Variants in COP1 observed in about 807,000 individuals in gnomAD.
COP1 encodes E3 ubiquitin-protein ligase COP1.
Under a neutral mutation model 101.3 loss-of-function variants are expected in COP1, and 24 were observed. That is an observed-to-expected ratio of 0.24 (90% CI 0.17 to 0.33). The LOEUF is 0.33. Among genes scored for constraint, COP1 ranks in the 10% least tolerant of loss-of-function variants. COP1 has a pLI of 1.00. For synonymous variants in COP1, 347 were observed against 341.9 expected (o/e 1.01, Z -0.17); for missense variants, 663 against 906.2 (o/e 0.73, Z 3.45).
intron 11 of COP1, among the ~76,000 whole-genome samples, chr1:176,065,480 T>C (rs961925325): frequency 2.0e-5 from 3 of 152,186 alleles, no homozygotes; most frequent in Non-Finnish European, 4.4e-5. Context: ...GTTTTACATA[T>C]AATGACATCA....
Position 176,027,732 on chromosome 1 carries a change from A to G in COP1, c.1613-44T>C, listed in dbSNP as rs775097202. 4.4e-6 allele frequency: 5 copies of G among 1,124,630 alleles called. No individual in the cohort carries two copies. The South Asian group carries it at 5.1e-5, about 11-fold the overall frequency. 69.7% of individuals were successfully genotyped at this position (1,124,630 alleles called of 1,614,324 possible). ...AAAAACAAAAAGAGAAACAAGTAAT[A>G]CATTAGTAAATGCTTCTGTAACTTG... On this transcript the variant is annotated intron_variant, in intron 14 of 19. Coordinates refer to ENST00000367669, the MANE Select transcript of COP1 (RefSeq NM_022457.7).
chr1:175,948,740 A>C (rs1649483102), intron 18 of COP1, among the ~76,000 whole-genome samples: 1 of 152,140 alleles, frequency 6.6e-6, no homozygotes, highest in Non-Finnish European at 1.5e-5. Context: ...GAATCAGAAT[A>C]CTCTTTGGAA....
intron 1 of COP1, among the ~76,000 whole-genome samples, chr1:176,203,833 T>C (rs1700549145): frequency 6.6e-6 from 1 of 152,212 alleles, no homozygotes; most frequent in African/African-American, 2.4e-5. Context: ...CCAATGTTTA[T>C]TACTGAAATT....
At chr1:176,058,119 C>T (rs1285602595) in intron 11 of COP1, among the ~76,000 whole-genome samples, 1 of 45,046 alleles carries the variant, frequency 2.2e-5, no homozygotes, top group Non-Finnish European at 6.0e-5. Flanking sequence ...GCCACCCCGT[C>T]GGGAGGGAGG....
At chr1:176,007,921 T>C (rs1350058968) in intron 15 of COP1, among the ~76,000 whole-genome samples, 5 of 152,208 alleles carry the variant, frequency 3.3e-5, no homozygotes, top group Non-Finnish European at 7.3e-5. Context: ...GCCTGGGTAA[T>C]GGCGGGCGCC....
intron 5 of COP1, among the ~76,000 whole-genome samples, chr1:176,159,662 C>G (rs756384168): frequency 1.3e-4 from 20 of 152,250 alleles, no homozygotes; most frequent in African/African-American, 4.8e-4. Context: ...ATATGAACCT[C>G]AAAAAGTAAA....
chr1:176,163,983 C>T, intron 3 of COP1, 92 bp from the exon 4 acceptor site: 1 of 715,656 alleles, frequency 1.4e-6, no homozygotes, highest in Non-Finnish European at 2.3e-6. Flanking sequence ...TTCTATTTTA[C>T]CTATACATAG....
intron 15 of COP1, among the ~76,000 whole-genome samples, chr1:175,998,466 A>G (rs1660825015): frequency 2.6e-5 from 4 of 151,372 alleles, no homozygotes; most frequent in Non-Finnish European, 5.9e-5. Context: ...TATAATAATA[A>G]TAAAATTAAA....
intron 15 of COP1, among the ~76,000 whole-genome samples, chr1:175,991,215 G>A (rs1214507960): frequency 6.6e-6 from 1 of 152,092 alleles, no homozygotes; most frequent in African/African-American, 2.4e-5. Context: ...CACAAACCTA[G>A]ATGGTATAGA....
intron 11 of COP1, among the ~76,000 whole-genome samples, chr1:176,079,003 C>T (rs1417867162): frequency 6.6e-6 from 1 of 152,010 alleles, no homozygotes; most frequent in Non-Finnish European, 1.5e-5. Flanking sequence ...ACTGGCAAGG[C>T]TGTGAAGAAA....
Position 175,991,007 on chromosome 1 carries a change from C to A in COP1, c.1730-1528G>T, listed in dbSNP as rs146098711. ...TATTAATAGGTTGCACATCTGAAAT[C>A]AAAAAATCCCAAATCCTTGCTTTTG... On this transcript the variant is annotated intron_variant, in intron 15 of 19. Transcript: ENST00000367669. Among the ~76,000 whole-genome samples the A allele has an allele frequency of 3.4e-3, 518 of 151,836 alleles. 2 individuals are homozygous for A. The highest frequency in any genetic ancestry group is 9.6e-3 in the African/African-American group (398 of 41,406).
chr1:176,174,003 A>AAAAAAAT (rs1696546422), intron 3 of COP1, among the ~76,000 whole-genome samples: 2 of 149,924 alleles, frequency 1.3e-5, no homozygotes, highest in South Asian at 4.2e-4. Flanking sequence ...AAAAAAAAAA[A>AAAAAAAT]AAAAAGAGAA....
At chr1:176,042,171 G>A (rs373353213) in intron 14 of COP1, among the ~76,000 whole-genome samples, 3 of 151,246 alleles carry the variant, frequency 2.0e-5, no homozygotes, top group East Asian at 3.9e-4. Context: ...AATGGGAGGT[G>A]GAGGCAGGAG....
intron 5 of COP1, among the ~76,000 whole-genome samples, chr1:176,155,512 T>C (rs534829093): frequency 6.6e-6 from 1 of 151,998 alleles, no homozygotes; most frequent in South Asian, 2.1e-4. Context: ...TGAAACATTA[T>C]AACAACATAT....
chr1:175,981,654 C>T (rs1303362979), intron 18 of COP1, among the ~76,000 whole-genome samples: 2 of 152,036 alleles, frequency 1.3e-5, no homozygotes, highest in Non-Finnish European at 2.9e-5. Flanking sequence ...AGCATGAATG[C>T]ATCAAACTAT....
intron 18 of COP1, among the ~76,000 whole-genome samples, chr1:175,948,702 G>C (rs995526044): frequency 1.3e-5 from 2 of 152,204 alleles, no homozygotes; most frequent in African/African-American, 4.8e-5. Flanking sequence ...AAATAATAAT[G>C]TCTTCCACTA....
intron 11 of COP1, among the ~76,000 whole-genome samples, chr1:176,076,743 AAAGAG>A (rs1678091477): frequency 6.6e-6 from 1 of 152,180 alleles, no homozygotes; most frequent in African/African-American, 2.4e-5. Context: ...AAAGAAAAAA[AAAGAG>A]AAGATCAAAA....
intron 3 of COP1, among the ~76,000 whole-genome samples, chr1:176,175,687 C>A (rs940035669): frequency 5.3e-5 from 8 of 151,990 alleles, no homozygotes; most frequent in African/African-American, 1.9e-4. Context: ...CTGATATACA[C>A]AATAATCTAA....
Position 176,163,827 on chromosome 1 carries a change from T to C in COP1, c.630A>G (p.Ser210=). 3 of 1,599,742 alleles carry C rather than the reference T, an allele frequency of 1.9e-6. No homozygotes were observed. The highest frequency in any genetic ancestry group is 2.6e-6 in the Non-Finnish European group (3 of 1,169,188). ...AGTTGAAACATACGGTGCTACTCAC[T>C]GAGTGGTCCAATTTGAACCTCTTTT... ...FEEKRFKLDH[S]VSSTNGHRWQ... is the part of the protein sequence containing the mutation. The change falls in exon 4 of 20, where the codon TCA becomes TCG. Residue 210 remains serine (S), a synonymous_variant. Transcript: ENST00000367669.
Sources: gnomAD v4.1 joint callset for allele counts (sites outside exome capture counted in the v4.1 genomes callset) on GRCh38, gnomAD v4.1.1 for gene constraint, MANE v1.5 for transcripts, NCBI Gene and HGNC (gene_info 2026-07-23, HGNC 2026-07-21) for gene names.